Variants in PDE4D observed in about 807,000 individuals in gnomAD.
PDE4D encodes 3',5'-cyclic-AMP phosphodiesterase 4D.
PDE4D carries 24 observed loss-of-function variants against 87.4 expected under a neutral mutation model. The observed-to-expected ratio is 0.27, with a 90% confidence interval of 0.20 to 0.39. The LOEUF (loss-of-function observed/expected upper bound fraction) is 0.39. Ranked by LOEUF, PDE4D falls within the 10% of genes least tolerant of loss-of-function variation. The pLI is 1.00. For synonymous variants in PDE4D, 384 were observed against 383.2 expected, an observed-to-expected ratio of 1.00 and a Z score of -0.02; for missense variants, 714 against 1,041.0, an observed-to-expected ratio of 0.69 and a Z score of 4.32.
At chr5:60,500,504 A>G (rs1750021183) in intron 1 of PDE4D, among the ~76,000 whole-genome samples, 1 of 152,232 alleles carries the variant, frequency 6.6e-6, no homozygotes, top group Non-Finnish European at 1.5e-5. Context: ...GAACTTGGTA[A>G]ATAGATGTTA....
intron 1 of PDE4D, among the ~76,000 whole-genome samples, chr5:60,497,479 T>G (rs957723214): frequency 6.6e-6 from 1 of 152,084 alleles, no homozygotes; most frequent in Non-Finnish European, 1.5e-5. Context: ...CACGGTTCAC[T>G]GCAGCCTCAA....
intron 1 of PDE4D, among the ~76,000 whole-genome samples, chr5:60,193,681 A>G (rs1159751410): frequency 1.3e-5 from 2 of 149,538 alleles, no homozygotes; most frequent in Non-Finnish European, 3.0e-5. Flanking sequence ...AAAAAAAAAA[A>G]AAAAAAAAAA....
At chr5:59,404,994 G>A (rs1274478007) in intron 1 of PDE4D, among the ~76,000 whole-genome samples, 2 of 152,124 alleles carry the variant, frequency 1.3e-5, no homozygotes, top group Admixed American at 1.3e-4. Context: ...GCTCTGTAGT[G>A]TTATTTGAAG....
rs116268336 is a variant in PDE4D, at chr5:59,483,999, C to T, written c.456-268031G>A. 9.7e-4 allele frequency among the ~76,000 whole-genome samples: 147 copies of T among 152,316 alleles called. 1 individual carries two copies. The highest frequency in any genetic ancestry group is 3.3e-3 in the African/African-American group (136 of 41,570). On this transcript the variant is annotated intron_variant, in intron 1 of 14. Transcript: ENST00000340635. ...TCTGTTTGAAGAGACAGTGTAACTA[C>T]AACTTAGCAGAACACAATTTATTGT...
chr5:60,515,699 T>C (rs911834324), intron 1 of PDE4D, among the ~76,000 whole-genome samples: 1 of 151,202 alleles, frequency 6.6e-6, no homozygotes, highest in South Asian at 2.1e-4. Flanking sequence ...GGATGATATG[T>C]GGATAGTGCG....
chr5:59,088,164 C>T (rs572656754), intron 5 of PDE4D, among the ~76,000 whole-genome samples: 67 of 152,284 alleles, frequency 4.4e-4, no homozygotes, highest in Middle Eastern at 3.4e-3. Flanking sequence ...CACTAATAAC[C>T]ACTTATCTGT....
intron 1 of PDE4D, among the ~76,000 whole-genome samples, chr5:59,230,639 C>A (rs918045528): frequency 3.3e-5 from 5 of 152,134 alleles, no homozygotes; most frequent in African/African-American, 1.2e-4. Flanking sequence ...TAAAATATAA[C>A]CGAATTCTGA....
chr5:60,146,430 C>A (rs1582861518), intron 2 of PDE4D, among the ~76,000 whole-genome samples: 1 of 152,300 alleles, frequency 6.6e-6, no homozygotes, highest in East Asian at 1.9e-4. Context: ...TCAGACCAAG[C>A]TATTTACGCA....
chr5:59,046,565 G>A (rs1311880009), intron 5 of PDE4D, among the ~76,000 whole-genome samples: 1 of 145,176 alleles, frequency 6.9e-6, no homozygotes, highest in Non-Finnish European at 1.5e-5. Flanking sequence ...GTGTGTGTGT[G>A]CATATAAGAG....
intron 1 of PDE4D, among the ~76,000 whole-genome samples, chr5:59,339,136 C>G (rs1228774971): frequency 1.3e-5 from 2 of 152,176 alleles, no homozygotes; most frequent in African/African-American, 4.8e-5. Flanking sequence ...CTGTGAGCAG[C>G]CTCGCTACAG....
intron 1 of PDE4D, among the ~76,000 whole-genome samples, chr5:59,554,437 C>T (rs934717809): frequency 2.0e-5 from 3 of 152,134 alleles, no homozygotes; most frequent in African/African-American, 7.2e-5. Context: ...AGTCCACACC[C>T]AGACTATTTA....
chr5:59,911,556 C>T (rs1581704097), intron 3 of PDE4D, among the ~76,000 whole-genome samples: 1 of 152,190 alleles, frequency 6.6e-6, no homozygotes, highest in East Asian at 1.9e-4. Context: ...GTTCAGCAGG[C>T]TCTGCGTGAA....
chr5:59,357,840 T>C (rs1781626709), intron 1 of PDE4D, among the ~76,000 whole-genome samples: 1 of 152,192 alleles, frequency 6.6e-6, no homozygotes, highest in Non-Finnish European at 1.5e-5. Context: ...ATGTTAACAA[T>C]GCAGCATAAT....
At chr5:59,124,416 C>T (rs2153447790) in intron 5 of PDE4D, among the ~76,000 whole-genome samples, 1 of 152,304 alleles carries the variant, frequency 6.6e-6, no homozygotes, top group Non-Finnish European at 1.5e-5. Flanking sequence ...AGCTCCACTC[C>T]TCATTTATCT....
At chr5:60,030,973 G>A (rs1477274214) in intron 2 of PDE4D, 1 of 152,164 alleles carries the variant, frequency 6.6e-6, no homozygotes, top group Non-Finnish European at 1.5e-5. Context: ...TTCTGATCCA[G>A]GGACATGGTA....
chr5:60,107,369 G>T (rs1028033937), intron 2 of PDE4D, among the ~76,000 whole-genome samples: 6 of 152,054 alleles, frequency 3.9e-5, no homozygotes, highest in Non-Finnish European at 5.9e-5. Flanking sequence ...ATAATCAATA[G>T]CTTACCAACC....
intron 1 of PDE4D, among the ~76,000 whole-genome samples, chr5:59,779,492 T>C (rs1190177713): frequency 6.6e-6 from 1 of 152,218 alleles, no homozygotes; most frequent in Non-Finnish European, 1.5e-5. Flanking sequence ...TAAACTTAAA[T>C]AGCATCATGT....
chr5:59,255,197 G>C (rs559432022), intron 1 of PDE4D, among the ~76,000 whole-genome samples: 1 of 152,066 alleles, frequency 6.6e-6, no homozygotes, highest in Non-Finnish European at 1.5e-5. Flanking sequence ...GCAAAATGTG[G>C]TATATTCATA....
chr5:59,183,169 A>C (rs77179450), intron 4 of PDE4D, among the ~76,000 whole-genome samples: 6,858 of 152,208 alleles, frequency 0.045, 538 homozygotes, highest in African/African-American at 0.16. Context: ...TCTGATACCC[A>C]AAGAAGCCGA....
Sources: allele counts gnomAD v4.1 joint callset (sites outside exome capture counted in the v4.1 genomes callset), GRCh38; gene constraint gnomAD v4.1.1; transcripts MANE v1.5; gene names NCBI Gene and HGNC (gene_info 2026-07-23, HGNC 2026-07-21).